LRRC28: variants seen among roughly 807,000 people sequenced by gnomAD.
LRRC28 encodes the protein leucine rich repeat containing 28, also known as leucine-rich repeat-containing protein 28.
In LRRC28, 39 loss-of-function variants were observed where a neutral mutation model predicts 45.7. That is an observed-to-expected ratio of 0.85 (90% CI 0.66 to 1.12). The LOEUF (loss-of-function observed/expected upper bound fraction) is 1.12, where lower values mean the gene tolerates loss of function less well. Among genes scored for constraint, LRRC28 ranks in the 50% most tolerant of loss-of-function variants. The pLI, the probability that LRRC28 is intolerant of heterozygous loss-of-function variation, is 0.00. For missense variants in LRRC28, 435 were observed against 438.5 expected (o/e 0.99, Z 0.07); for synonymous variants, 206 against 178.8 (o/e 1.15, Z -1.22).
At chr15:99,354,399 A>G (rs1956984643) in intron 7 of LRRC28, among the ~76,000 whole-genome samples, 1 of 152,184 alleles carries the variant, frequency 6.6e-6, no homozygotes, top group African/African-American at 2.4e-5. Flanking sequence ...GATATGTGAA[A>G]AGGGACTTCC....
At chr15:99,360,684 AC>A (rs1226777706) in intron 7 of LRRC28, among the ~76,000 whole-genome samples, 5 of 152,152 alleles carry the variant, frequency 3.3e-5, no homozygotes, top group Admixed American at 6.5e-5. Context: ...CTCTTAGGTT[AC>A]CCAATGGTTT....
chr15:99,258,433 TCA>T, intron 2 of LRRC28: 1 of 900,286 alleles, frequency 1.1e-6, no homozygotes, highest in Non-Finnish European at 1.9e-6. Context: ...TCAAAAATAT[TCA>T]CAGTTCATAA....
rs766338889 is a variant in LRRC28 at position 99,282,177 on chromosome 15, G to GTTTTTTTTTTTTTT, written c.210-5079_210-5066dup. ...GGATTCCTTATGCAAATTTTTGGAG[G>GTTTTTTTTTTTTTT]TTTTTTTTTTTTTTGTAGCAGTAGC... On this transcript the variant is annotated intron_variant, in intron 3 of 9. Coordinates refer to ENST00000301981, the MANE Select transcript of LRRC28 (RefSeq NM_144598.5). Among the ~76,000 whole-genome samples the GTTTTTTTTTTTTTT allele has an allele frequency of 4.2e-3, 407 of 98,026 alleles. 59 individuals are homozygous for GTTTTTTTTTTTTTT. Among genetic ancestry groups the GTTTTTTTTTTTTTT allele is most frequent in the African/African-American group, 0.015 (320 of 20,762 alleles). 64.3% of individuals were successfully genotyped at this position (98,026 alleles called of 152,430 possible). A position where few individuals can be genotyped will look rare whatever the true frequency, so the allele number is the denominator to read the frequency against.
intron 5 of LRRC28, among the ~76,000 whole-genome samples, chr15:99,288,797 A>G (rs1462773483): frequency 6.6e-6 from 1 of 152,026 alleles, no homozygotes; most frequent in Non-Finnish European, 1.5e-5. Context: ...CCCATGCCTC[A>G]GCCTTCCAAG....
chr15:99,292,389 G>A (rs998462933), intron 5 of LRRC28, among the ~76,000 whole-genome samples: 4 of 133,978 alleles, frequency 3.0e-5, no homozygotes, highest in South Asian at 4.9e-4. Context: ...ACGGAGTCTC[G>A]CTCTGTCGCC....
intron 7 of LRRC28, 177 bp from the exon 8 acceptor site, chr15:99,361,159 T>C: frequency 1.5e-6 from 1 of 678,526 alleles, no homozygotes; most frequent in Non-Finnish European, 2.3e-6. Flanking sequence ...TGAGTTTAGA[T>C]TGCTGGGCCA....
chr15:99,256,282 A>G (rs775552834), intron 2 of LRRC28, 157 bp downstream of exon 2: 15 of 555,528 alleles, frequency 2.7e-5, no homozygotes, highest in Admixed American at 4.0e-5. Context: ...CTCATTGGCT[A>G]TGAATTTGTT....
rs1424865066 is a variant in LRRC28, at chr15:99,389,762, C to T, written c.*3660C>T. On this transcript the variant is annotated 3_prime_UTR_variant, in exon 10 of 10. Transcript: ENST00000301981. Reference sequence around the variant, plus strand: ...TCCCAGAAACTCAGTGAATATCTTGCCTTTTCTTCAAACAAAGGGGGTTTT... The same window carrying T: ...TCCCAGAAACTCAGTGAATATCTTGTCTTTTCTTCAAACAAAGGGGGTTTT... The T allele has an allele frequency of 6.6e-6, 1 of 152,124 alleles. No individual in the cohort carries two copies. The highest frequency in any genetic ancestry group is 2.4e-5 in the African/African-American group (1 of 41,414). 9.4% of individuals were successfully genotyped at this position (152,124 alleles called of 1,614,324 possible). A position where few individuals can be genotyped will look rare whatever the true frequency, so the allele number is the denominator to read the frequency against.
chr15:99,313,270 C>T (rs74349477), intron 5 of LRRC28, among the ~76,000 whole-genome samples: 2,947 of 151,668 alleles, frequency 0.019, 42 homozygotes, highest in Middle Eastern at 0.048. Flanking sequence ...CAAAAGAGGC[C>T]CAGAATACAT....
chr15:99,307,767 A>T (rs1389557711), intron 5 of LRRC28, among the ~76,000 whole-genome samples: 1 of 152,214 alleles, frequency 6.6e-6, no homozygotes, highest in South Asian at 2.1e-4. Context: ...TTTAAAGCGA[A>T]ACTAAAGATC....
chr15:99,284,150 T>C (rs1007712456), intron 3 of LRRC28, among the ~76,000 whole-genome samples: 2 of 152,218 alleles, frequency 1.3e-5, no homozygotes, highest in African/African-American at 4.8e-5. Flanking sequence ...TTACCAGTAA[T>C]GGTTCTTAAT....
rs777033339 is a variant in LRRC28 at position 99,327,067 on chromosome 15, AGTTT to A, written c.386-6851_386-6848del. 5.9e-4 allele frequency among the ~76,000 whole-genome samples: 90 copies of A among 152,006 alleles called. 1 individual carries two copies. Among genetic ancestry groups the A allele is most frequent in the Non-Finnish European group, 2.5e-4 (17 of 67,982 alleles). ...TTTAAAGATTTAAAATTACGAATTC[AGTTT>A]GTTTTTTTTTAATTTTTTTTGAGAC... On this transcript the variant is annotated intron_variant, in intron 5 of 9. Transcript: ENST00000301981.
intron 2 of LRRC28, among the ~76,000 whole-genome samples, chr15:99,268,142 T>A (rs943686815): frequency 1.1e-4 from 17 of 152,198 alleles, no homozygotes; most frequent in Admixed American, 7.9e-4. Flanking sequence ...AGCACCACCA[T>A]GTCGTTAAAA....
chr15:99,337,945 C>G (rs576489524), intron 6 of LRRC28: 1 of 152,410 alleles, frequency 6.6e-6, no homozygotes, highest in African/African-American at 2.4e-5. Context: ...ATGCTCTGCC[C>G]TGGTCTAAAA....
chr15:99,303,182 T>C (rs990563539), intron 5 of LRRC28, among the ~76,000 whole-genome samples: 4 of 152,252 alleles, frequency 2.6e-5, no homozygotes, highest in African/African-American at 9.6e-5. Context: ...GTAGCTATTC[T>C]AGTTGCTGTA....
chr15:99,331,628 A>G (rs1040773484), intron 5 of LRRC28, among the ~76,000 whole-genome samples: 12 of 152,162 alleles, frequency 7.9e-5, no homozygotes, highest in Non-Finnish European at 2.9e-5. Context: ...TATTCTCACA[A>G]TAGCAAGTCC....
chr15:99,324,925 A>G (rs953038104), intron 5 of LRRC28, among the ~76,000 whole-genome samples: 1 of 152,192 alleles, frequency 6.6e-6, no homozygotes, highest in African/African-American at 2.4e-5. Context: ...TCAGCATGAC[A>G]CAGCAATAAA....
chr15:99,300,602 G>A (rs1597284376), intron 5 of LRRC28, among the ~76,000 whole-genome samples: 2 of 152,224 alleles, frequency 1.3e-5, no homozygotes, highest in Non-Finnish European at 2.9e-5. Context: ...CGATGTGGGT[G>A]GATCACTTGA....
chr15:99,344,208 T>C (rs1956611023), intron 6 of LRRC28, among the ~76,000 whole-genome samples: 1 of 152,196 alleles, frequency 6.6e-6, no homozygotes, highest in East Asian at 1.9e-4. Context: ...ATATACGTTG[T>C]TTAATCTTCA....
Sources: gnomAD v4.1 joint callset for allele counts (sites outside exome capture counted in the v4.1 genomes callset) on GRCh38, gnomAD v4.1.1 for gene constraint, MANE v1.5 for transcripts, NCBI Gene and HGNC (gene_info 2026-07-23, HGNC 2026-07-21) for gene names.